The following LRMDA variants were observed in gnomAD, a reference collection of about 807,000 sequenced individuals.
The protein encoded by LRMDA is leucine rich melanocyte differentiation associated.
A neutral mutation model predicts 29.8 loss-of-function variants in LRMDA; 18 were observed. The ratio of observed to expected loss-of-function variants is 0.60; its 90% CI spans 0.42 to 0.90. The LOEUF is 0.90. Ranked by LOEUF, LRMDA falls within the 40% of genes least tolerant of loss-of-function variation. The pLI, the probability that LRMDA is intolerant of heterozygous loss-of-function variation, is 0.00. For missense variants in LRMDA, 273 were observed against 273.9 expected (o/e 1.00, Z 0.02); for synonymous variants, 125 against 109.4 (o/e 1.14, Z -0.89).
intron 5 of LRMDA, among the ~76,000 whole-genome samples, chr10:76,087,374 A>T (rs368916027): frequency 6.6e-6 from 1 of 152,182 alleles, no homozygotes; most frequent in African/African-American, 2.4e-5. Context: ...GTTATCTCTG[A>T]GGTTCCTAGA....
intron 2 of LRMDA, among the ~76,000 whole-genome samples, chr10:75,481,206 T>C (rs1226147561): frequency 2.6e-5 from 4 of 152,002 alleles, no homozygotes. Context: ...ATGAATTTGC[T>C]TGGGGTTGGG....
intron 6 of LRMDA, among the ~76,000 whole-genome samples, chr10:76,429,977 C>T (rs1021832364): frequency 1.3e-5 from 2 of 152,188 alleles, no homozygotes; most frequent in Non-Finnish European, 2.9e-5. Context: ...TTTGTTTGGA[C>T]AGTTTTAACA....
At chr10:75,923,457 G>A (rs1305487260) in intron 2 of LRMDA, among the ~76,000 whole-genome samples, 1 of 152,162 alleles carries the variant, frequency 6.6e-6, no homozygotes, top group African/African-American at 2.4e-5. Flanking sequence ...AAACAGCCGG[G>A]AGAGGAACTC....
At chr10:75,485,660 C>A (rs1232420168) in intron 2 of LRMDA, among the ~76,000 whole-genome samples, 1 of 152,124 alleles carries the variant, frequency 6.6e-6, no homozygotes, top group African/African-American at 2.4e-5. Flanking sequence ...GCACCGCAAC[C>A]TCCGCCTCCC....
intron 6 of LRMDA, among the ~76,000 whole-genome samples, chr10:76,510,502 A>T (rs1026754581): frequency 6.6e-6 from 1 of 152,178 alleles, no homozygotes; most frequent in African/African-American, 2.4e-5. Flanking sequence ...TCCTGATCTT[A>T]TAGGTAGACT....
intron 2 of LRMDA, among the ~76,000 whole-genome samples, chr10:75,831,615 G>A (rs1844346646): frequency 6.6e-6 from 1 of 152,306 alleles, no homozygotes; most frequent in Admixed American, 6.5e-5. Flanking sequence ...ACTAGGTAGT[G>A]CCTCAGTAGG....
chr10:76,253,602 A>G (rs1852526875), intron 5 of LRMDA, among the ~76,000 whole-genome samples: 1 of 152,064 alleles, frequency 6.6e-6, no homozygotes, highest in African/African-American at 2.4e-5. Flanking sequence ...AGTTGCTACT[A>G]TCTTTTCAAC....
At chr10:75,727,084 T>C (rs1362463483) in intron 2 of LRMDA, among the ~76,000 whole-genome samples, 5 of 152,224 alleles carry the variant, frequency 3.3e-5, no homozygotes, top group African/African-American at 1.2e-4. Context: ...CCTGTTTCGC[T>C]AGCTTTAGCT....
chr10:76,480,441 AG>A lies in LRMDA; in HGVS notation c.602-76767del, dbSNP rs138152553. On this transcript the variant is annotated intron_variant, in intron 6 of 6. Transcript: ENST00000611255. ...GAAGTCATAGAATAGTAGAGCTGGA[AG>A]AAATTTTAAAGCACTCCTGTGCCAA... Among the ~76,000 whole-genome samples, 1,387 of 152,102 alleles carry A rather than the reference AG, an allele frequency of 9.1e-3. 18 individuals are homozygous for A. Among genetic ancestry groups the A allele is most frequent in the African/African-American group, 0.032 (1,331 of 41,546 alleles).
At chr10:75,463,418 C>T (rs190600378) in intron 2 of LRMDA, among the ~76,000 whole-genome samples, 401 of 152,054 alleles carry the variant, frequency 2.6e-3, no homozygotes, top group Non-Finnish European at 4.0e-3. Context: ...CTGAGAGGCT[C>T]CTGTAGACAA....
intron 2 of LRMDA, among the ~76,000 whole-genome samples, chr10:75,490,543 A>G (rs548786249): frequency 6.6e-6 from 1 of 152,342 alleles, no homozygotes; most frequent in Admixed American, 6.5e-5. Flanking sequence ...GAAGATTGTA[A>G]TAATCACACA....
chr10:75,515,523 C>T (rs915116151), intron 2 of LRMDA, among the ~76,000 whole-genome samples: 1 of 152,050 alleles, frequency 6.6e-6, no homozygotes, highest in African/African-American at 2.4e-5. Flanking sequence ...CAGGCACATA[C>T]CACTATGCCT....
At chr10:75,860,177 A>G (rs764216528) in intron 2 of LRMDA, among the ~76,000 whole-genome samples, 10 of 152,138 alleles carry the variant, frequency 6.6e-5, no homozygotes, top group Non-Finnish European at 1.3e-4. Context: ...AGAGGAGCCC[A>G]AGAGGTCGCC....
chr10:75,674,327 C>G (rs1048782485), intron 2 of LRMDA, among the ~76,000 whole-genome samples: 2 of 152,110 alleles, frequency 1.3e-5, no homozygotes, highest in Non-Finnish European at 2.9e-5. Flanking sequence ...GTTCCCTTAT[C>G]TTTAAATGCA....
chr10:75,649,315 A>G (rs1841568247), intron 2 of LRMDA, among the ~76,000 whole-genome samples: 2 of 152,218 alleles, frequency 1.3e-5, no homozygotes, highest in South Asian at 4.1e-4. Flanking sequence ...ATAATATTGC[A>G]CTGTATGTAT....
intron 5 of LRMDA, among the ~76,000 whole-genome samples, chr10:76,258,174 C>T (rs1343104561): frequency 2.6e-5 from 4 of 152,252 alleles, no homozygotes; most frequent in East Asian, 1.9e-4. Context: ...TTTTTGCAGC[C>T]TTTTTTGTGA....
chr10:75,851,940 C>T (rs759476836), intron 2 of LRMDA, among the ~76,000 whole-genome samples: 2 of 152,182 alleles, frequency 1.3e-5, no homozygotes, highest in African/African-American at 2.4e-5. Flanking sequence ...AAGGTCCCTT[C>T]GGTTGAGATC....
At chr10:75,769,608 T>A (rs978423537) in intron 2 of LRMDA, among the ~76,000 whole-genome samples, 11 of 152,224 alleles carry the variant, frequency 7.2e-5, no homozygotes, top group Middle Eastern at 6.3e-3. Flanking sequence ...TTTATTTTTT[T>A]ATATTTCATT....
intron 5 of LRMDA, among the ~76,000 whole-genome samples, chr10:76,239,008 G>C (rs1276253727): frequency 1.3e-5 from 2 of 152,106 alleles, no homozygotes; most frequent in African/African-American, 4.8e-5. Flanking sequence ...GGAAAGGAAG[G>C]GGGTGAGATG....
Sources: allele counts gnomAD v4.1 joint callset (sites outside exome capture counted in the v4.1 genomes callset), GRCh38; gene constraint gnomAD v4.1.1; transcripts MANE v1.5; gene names NCBI Gene and HGNC (gene_info 2026-07-23, HGNC 2026-07-21).